Variants in MAGED1 observed in about 807,000 individuals in gnomAD.
MAGED1 encodes the protein MAGE family member D1.
A neutral mutation model predicts 54.1 loss-of-function variants in MAGED1; 3 were observed. The observed-to-expected ratio is 0.06, with a 90% confidence interval of 0.03 to 0.14. The LOEUF (loss-of-function observed/expected upper bound fraction) is 0.14. MAGED1 is among the 10% of genes least tolerant of loss of function. The pLI is 1.00. For synonymous variants in MAGED1, 217 were observed against 227.3 expected, an observed-to-expected ratio of 0.95 and a Z score of 0.41; for missense variants, 485 against 623.4, an observed-to-expected ratio of 0.78 and a Z score of 2.36.
At chrX:51,819,579 C>A (rs1052511833) in intron 1 of MAGED1, among the ~76,000 whole-genome samples, 8 of 110,747 alleles carry the variant, frequency 7.2e-5, no homozygotes, top group Admixed American at 2.9e-4. Context: ...ATTTCCATGT[C>A]CTTATCGGCT....
At chrX:51,885,776 A>T (rs913298040) in intron 1 of MAGED1, among the ~76,000 whole-genome samples, 3 of 110,928 alleles carry the variant, frequency 2.7e-5, no homozygotes, top group Non-Finnish European at 5.7e-5. Context: ...ATGGTGAGAG[A>T]TAGGTCCAAA....
At chrX:51,861,035 T>G (rs781786912) in intron 1 of MAGED1, among the ~76,000 whole-genome samples, 1 of 111,004 alleles carries the variant, frequency 9.0e-6, no homozygotes, top group Admixed American at 9.6e-5. Flanking sequence ...CTTCGATTAT[T>G]TCTACAATTC....
chrX:51,821,507 C>T (rs185847410), intron 1 of MAGED1, among the ~76,000 whole-genome samples: 4 of 111,418 alleles, frequency 3.6e-5, no homozygotes, highest in Non-Finnish European at 7.5e-5. Context: ...CCTCCTGCCT[C>T]AGCCCCCCAA....
intron 1 of MAGED1, among the ~76,000 whole-genome samples, chrX:51,861,847 T>A (rs1236083149): frequency 2.7e-5 from 3 of 110,936 alleles, no homozygotes; most frequent in Non-Finnish European, 1.9e-5. Context: ...ATCTGGCTAA[T>A]TTTTTTGTAT....
rs1343096299 is a variant in MAGED1 at position 51,810,334 on chromosome X, GAT to G, written c.-37+7218_-37+7219del. Among the ~76,000 whole-genome samples the G allele has an allele frequency of 2.6e-4, 29 of 111,344 alleles. No homozygotes were observed. In the Admixed American group the frequency reaches 2.7e-3, roughly 10 times the overall value. On this transcript the variant is annotated intron_variant, in intron 1 of 12. Transcript: ENST00000375772. ...GAAACTAAGATGGGAATACTCAGGG[GAT>G]TATTATTTTAAAAGTCATGCTACCT...
At chrX:51,832,120 C>T (rs1200833567) in intron 1 of MAGED1, among the ~76,000 whole-genome samples, 2 of 111,368 alleles carry the variant, frequency 1.8e-5, no homozygotes, top group Admixed American at 1.9e-4. Flanking sequence ...GCAGCTCCGC[C>T]TTCCGGGCTC....
chrX:51,817,126 G>A (rs1925462985), intron 1 of MAGED1, among the ~76,000 whole-genome samples: 1 of 112,036 alleles, frequency 8.9e-6, no homozygotes, highest in South Asian at 3.8e-4. Context: ...TCCAATGAGT[G>A]ATAAAATTAA....
At chrX:51,813,044 G>T (rs1925285134) in intron 1 of MAGED1, among the ~76,000 whole-genome samples, 1 of 92,378 alleles carries the variant, frequency 1.1e-5, no homozygotes, top group South Asian at 5.5e-4. Context: ...TTTTTTTGAG[G>T]CAGACTTTCA....
chrX:51,870,914 G>C (rs1451964638), intron 1 of MAGED1: 1 of 112,697 alleles, frequency 8.9e-6, no homozygotes, highest in African/African-American at 3.2e-5. Flanking sequence ...ATAGAGGAAT[G>C]AAAGATATAA....
At chrX:51,838,237 A>G (rs1557358118) in intron 1 of MAGED1, among the ~76,000 whole-genome samples, 5 of 112,671 alleles carry the variant, frequency 4.4e-5, no homozygotes. Context: ...GGTTCTGTAT[A>G]GTTAAGAATC....
intron 1 of MAGED1, among the ~76,000 whole-genome samples, chrX:51,878,632 C>T (rs1927956334): frequency 8.9e-6 from 1 of 111,833 alleles, no homozygotes; most frequent in African/African-American, 3.2e-5. Flanking sequence ...TCTGACTGGA[C>T]TCAGATCCAT....
chrX:51,887,115 T>TA (rs2147007567), intron 1 of MAGED1, among the ~76,000 whole-genome samples: 1 of 90,777 alleles, frequency 1.1e-5, no homozygotes, highest in East Asian at 3.5e-4. Context: ...AAAGGTGAAA[T>TA]ACGTGTAAAT....
At chrX:51,849,336 C>G (rs1197094152) in intron 1 of MAGED1, among the ~76,000 whole-genome samples, 1 of 110,567 alleles carries the variant, frequency 9.0e-6, no homozygotes, top group Non-Finnish European at 1.9e-5. Flanking sequence ...GGAAAGGCCT[C>G]TTATTCCTCT....
At chrX:51,831,865 G>T (rs1476614110) in intron 1 of MAGED1, among the ~76,000 whole-genome samples, 1 of 110,195 alleles carries the variant, frequency 9.1e-6, no homozygotes, top group African/African-American at 3.3e-5. Context: ...CCTTTTTAAA[G>T]AAATTATTTT....
intron 1 of MAGED1, among the ~76,000 whole-genome samples, chrX:51,814,479 C>T (rs1190266050): frequency 8.9e-6 from 1 of 111,751 alleles, no homozygotes; most frequent in Non-Finnish European, 1.9e-5. Context: ...TTTGGGGAGG[C>T]CCCTTACAGT....
chrX:51,848,532 G>A (rs1349762562), intron 1 of MAGED1, among the ~76,000 whole-genome samples: 3 of 111,906 alleles, frequency 2.7e-5, no homozygotes, highest in African/African-American at 9.8e-5. Context: ...ACATAAGAAT[G>A]CAGCACTTGC....
intron 2 of MAGED1, 84 bp downstream of exon 2, chrX:51,894,433 G>A: frequency 1.0e-6 from 1 of 982,907 alleles, no homozygotes. Flanking sequence ...CCAAACGCCG[G>A]GATCCGGTTT....
At chrX:51,856,514 CTGTT>C (rs781832982) in intron 1 of MAGED1, among the ~76,000 whole-genome samples, 2 of 112,224 alleles carry the variant, frequency 1.8e-5, no homozygotes, top group East Asian at 5.6e-4. Flanking sequence ...ATTTATTAAT[CTGTT>C]TGCATTTCCT....
chrX:51,880,367 T>G (rs1557362391), intron 1 of MAGED1, among the ~76,000 whole-genome samples: 1 of 111,626 alleles, frequency 9.0e-6, no homozygotes. Flanking sequence ...CCTGATGTTT[T>G]GACACTATTT....
Sources: allele counts gnomAD v4.1 joint callset (sites outside exome capture counted in the v4.1 genomes callset), GRCh38; gene constraint gnomAD v4.1.1; transcripts MANE v1.5; gene names NCBI Gene and HGNC (gene_info 2026-07-23, HGNC 2026-07-21).